The following MYO5B variants were observed in gnomAD, a reference collection of about 807,000 sequenced individuals.
MYO5B encodes myosin VB.
A neutral mutation model predicts 229.3 loss-of-function variants in MYO5B; 143 were observed. The ratio of observed to expected loss-of-function variants is 0.62; its 90% CI spans 0.54 to 0.72. The LOEUF (loss-of-function observed/expected upper bound fraction) is 0.72, where lower values mean the gene tolerates loss of function less well. MYO5B is among the 30% of genes least tolerant of loss of function. The pLI, the probability that MYO5B is intolerant of heterozygous loss-of-function variation, is 0.00. For synonymous variants in MYO5B, 918 were observed against 885.2 expected, an observed-to-expected ratio of 1.04 and a Z score of -0.66; for missense variants, 2,321 against 2,331.0, an observed-to-expected ratio of 1.00 and a Z score of 0.09.
intron 6 of MYO5B, among the ~76,000 whole-genome samples, chr18:49,991,238 G>C (rs1233032682): frequency 6.6e-6 from 1 of 152,178 alleles, no homozygotes. Flanking sequence ...CAAAAGCATG[G>C]GGAGCTGGTT....
intron 1 of MYO5B, among the ~76,000 whole-genome samples, chr18:50,170,220 C>A (rs769758550): frequency 7.9e-6 from 1 of 127,316 alleles, no homozygotes; most frequent in Admixed American, 8.4e-5. Context: ...GAGGCTTGGC[C>A]GGAAGCATCA....
intron 1 of MYO5B, among the ~76,000 whole-genome samples, chr18:50,070,082 C>T (rs910307962): frequency 1.0e-4 from 14 of 139,212 alleles, no homozygotes; most frequent in Non-Finnish European, 1.7e-4. Context: ...AGTGCAGGGG[C>T]GTGATCTCGG....
chr18:49,947,101 CTTTTTT>C (rs74176748), intron 14 of MYO5B, among the ~76,000 whole-genome samples: 2 of 108,290 alleles, frequency 1.8e-5, no homozygotes, highest in Non-Finnish European at 1.8e-5. Flanking sequence ...TCACCAAGCT[CTTTTTT>C]TTTTTTTTTT....
chr18:50,112,484 A>G (rs1392577484), intron 1 of MYO5B, among the ~76,000 whole-genome samples: 1 of 152,166 alleles, frequency 6.6e-6, no homozygotes, highest in Admixed American at 6.5e-5. Flanking sequence ...ATGGGGCTCC[A>G]AAGACGGCCG....
chr18:49,878,980 A>C lies in MYO5B; in HGVS notation c.3241T>G (p.Tyr1081Asp). 2 of 1,614,160 alleles carry C rather than the reference A, an allele frequency of 1.2e-6. No individual in the cohort carries two copies. The highest frequency in any genetic ancestry group is 2.2e-5 in the East Asian group (1 of 44,882). Reference protein sequence around the residue: ...VKEYSQLEQRYDNLRDEMTII... With the variant: ...VKEYSQLEQRDDNLRDEMTII... ...GTCATTTCATCCCGAAGGTTGTCGT[A>C]TCTCTGCTCCAACTGTGAATATTCC... The change falls in exon 24 of 40, where the codon TAC becomes GAC. Residue 1081 changes from tyrosine (Y) to aspartate (D), a missense_variant. This residue lies in a region of MYO5B where 2,113 missense variants were observed against 2,044.7 expected (regional missense o/e 1.03). Coordinates refer to ENST00000285039, the MANE Select transcript of MYO5B (RefSeq NM_001080467.3).
At chr18:49,857,008 G>C (rs1191594603) in intron 29 of MYO5B, 118 bp from the exon 30 acceptor site, 4 of 816,384 alleles carry the variant, frequency 4.9e-6, no homozygotes, top group Non-Finnish European at 8.4e-6. Context: ...AAAAGGCAAG[G>C]CTCAAGAACT....
intron 1 of MYO5B, among the ~76,000 whole-genome samples, chr18:50,162,198 G>A (rs1226444762): frequency 6.6e-6 from 1 of 152,190 alleles, no homozygotes; most frequent in African/African-American, 2.4e-5. Flanking sequence ...GTCTTCAAAT[G>A]GGGTTCTAAA....
At chr18:50,045,470 T>G (rs749909719) in intron 2 of MYO5B, among the ~76,000 whole-genome samples, 1 of 152,198 alleles carries the variant, frequency 6.6e-6, no homozygotes, top group Non-Finnish European at 1.5e-5. Flanking sequence ...CTTGACTAAC[T>G]GCAATCTCCG....
At chr18:49,883,652 A>G (rs1260407362) in intron 22 of MYO5B, among the ~76,000 whole-genome samples, 2 of 152,220 alleles carry the variant, frequency 1.3e-5, no homozygotes, top group South Asian at 2.1e-4. Context: ...TATAATATCT[A>G]GGGATCCAGA....
At chr18:50,018,221 G>C (rs1192628380) in intron 4 of MYO5B, among the ~76,000 whole-genome samples, 6 of 151,582 alleles carry the variant, frequency 4.0e-5, no homozygotes, top group Admixed American at 1.3e-4. Flanking sequence ...TGAGTAGTTG[G>C]GGTTACAGGT....
At position 49,847,255 on chromosome 18, in the gene MYO5B, G is replaced by T. The variant is rs902581420; in HGVS notation, c.4350C>A (p.Arg1450=). 2 of 1,613,892 alleles carry T rather than the reference G, an allele frequency of 1.2e-6. No homozygotes were observed. The highest frequency in any genetic ancestry group is 2.2e-5 in the East Asian group (1 of 44,886). ...AQALAQSERK[R]HELNRQVTVQ... The stretch of plus-strand genomic sequence containing the variant: ...CCGTGACCTGCCTGTTGAGCTCATG[G>T]CGCTTCCTCTCACTCTGGGCCAATG... The change falls in exon 33 of 40, where the codon CGC becomes CGA. Residue 1450 remains arginine (R), a synonymous_variant. Coordinates refer to ENST00000285039, the MANE Select transcript of MYO5B (RefSeq NM_001080467.3).
At chr18:50,042,890 A>G (rs2030063369) in intron 2 of MYO5B, among the ~76,000 whole-genome samples, 1 of 152,174 alleles carries the variant, frequency 6.6e-6, no homozygotes, top group Non-Finnish European at 1.5e-5. Context: ...TCAGATTAGA[A>G]AGCCAGGACC....
intron 19 of MYO5B, among the ~76,000 whole-genome samples, chr18:49,905,433 A>G (rs910703909): frequency 3.3e-5 from 5 of 151,982 alleles, no homozygotes; most frequent in African/African-American, 9.7e-5. Flanking sequence ...CCAGTCTAAC[A>G]CTTCCTCCCC....
Position 49,875,705 on chromosome 18 carries a change from C to G in MYO5B, c.3519G>C (p.Gln1173His). ...LQVQLEKREQQDSKKVQAEPP... is the reference protein window; with the variant it reads ...LQVQLEKREQHDSKKVQAEPP... ...CACGTACCTGGACTTTCTTGCTGTC[C>G]TGCTGTTCTCTCTTCTCCAGCTGCA... The change falls in exon 26 of 40, where the codon CAG becomes CAC. Residue 1173 changes from glutamine (Q) to histidine (H), a missense_variant. Physicochemically the swap from Gln to His is conservative, Grantham distance 24. Coordinates refer to ENST00000285039, the MANE Select transcript of MYO5B (RefSeq NM_001080467.3). 1 of 1,614,138 alleles carries G rather than the reference C, an allele frequency of 6.2e-7. No homozygotes were observed. The highest frequency in any genetic ancestry group is 8.5e-7 in the Non-Finnish European group (1 of 1,180,004).
chr18:50,194,821 C>A lies in MYO5B; in HGVS notation c.-28G>T. ...CCCGGGCCGGGCGGGGCTCGGGCCC[C>A]GGCTCCTGGCTGCCCCGCGGCTCTC... On this transcript the variant is annotated 5_prime_UTR_variant, in exon 1 of 40. Transcript: ENST00000285039. The A allele has an allele frequency of 7.6e-7, 1 of 1,312,216 alleles. No homozygotes were observed. The highest frequency in any genetic ancestry group is 9.7e-7 in the Non-Finnish European group (1 of 1,035,418). 81.3% of individuals were successfully genotyped at this position (1,312,216 alleles called of 1,614,324 possible). A position where few individuals can be genotyped will look rare whatever the true frequency, so the allele number is the denominator to read the frequency against.
chr18:49,883,982 T>C (rs951990932), intron 22 of MYO5B, among the ~76,000 whole-genome samples: 7 of 152,190 alleles, frequency 4.6e-5, no homozygotes, highest in Admixed American at 1.3e-4. Context: ...AAGACTTAAA[T>C]GTAAGGGCTA....
Position 50,194,868 on chromosome 18 carries a change from G to A in MYO5B, c.-75C>T, listed in dbSNP as rs1279198619. On this transcript the variant is annotated 5_prime_UTR_variant, in exon 1 of 40. Transcript: ENST00000285039. ...TCTCAGTCCGCGGCTGGCCCGCCTG[G>A]CGCCATGTTCCCGGGCTGGCCTGGA... 5.6e-6 allele frequency: 7 copies of A among 1,240,804 alleles called. No individual in the cohort carries two copies. Among genetic ancestry groups the A allele is most frequent in the Non-Finnish European group, 6.0e-6 (6 of 994,816 alleles). 76.9% of individuals were successfully genotyped at this position (1,240,804 alleles called of 1,614,324 possible). A position where few individuals can be genotyped will look rare whatever the true frequency, so the allele number is the denominator to read the frequency against.
intron 1 of MYO5B, among the ~76,000 whole-genome samples, chr18:50,081,099 G>A (rs1481214546): frequency 1.3e-5 from 2 of 152,276 alleles, no homozygotes; most frequent in Non-Finnish European, 2.9e-5. Flanking sequence ...GAAAGCATCT[G>A]CTCTGTTTTC....
chr18:49,954,884 A>G (rs1169182750), intron 12 of MYO5B, among the ~76,000 whole-genome samples: 1 of 152,166 alleles, frequency 6.6e-6, no homozygotes, highest in Non-Finnish European at 1.5e-5. Context: ...TTCCCTCCCT[A>G]AACTCACCTA....
Sources: gnomAD v4.1 joint callset for allele counts (sites outside exome capture counted in the v4.1 genomes callset) on GRCh38, gnomAD v4.1.1 for gene constraint, gnomAD v4.1.1 regional missense constraint, MANE v1.5 for transcripts, NCBI Gene and HGNC (gene_info 2026-07-23, HGNC 2026-07-21) for gene names.